NALF1: variants seen among roughly 807,000 people sequenced by gnomAD.
The protein encoded by NALF1 is family with sequence similarity 155 member A.
Under a neutral mutation model 48.4 loss-of-function variants are expected in NALF1, and 3 were observed. The observed-to-expected ratio is 0.06, with a 90% CI of 0.03 to 0.16. NALF1 has a LOEUF of 0.16. NALF1 is among the 10% of genes least tolerant of loss of function. The pLI, the probability that NALF1 is intolerant of heterozygous loss-of-function variation, is 1.00. For missense variants in NALF1, 526 were observed against 571.5 expected (o/e 0.92, Z 0.81); for synonymous variants, 262 against 245.7 (o/e 1.07, Z -0.62).
At chr13:107,373,619 C>T (rs1461301413) in intron 1 of NALF1, among the ~76,000 whole-genome samples, 1 of 152,184 alleles carries the variant, frequency 6.6e-6, no homozygotes, top group African/African-American at 2.4e-5. Flanking sequence ...TCCAGGGCTA[C>T]TCCATCTGAT....
At chr13:107,334,963 TTG>T in intron 1 of NALF1, among the ~76,000 whole-genome samples, 1 of 152,292 alleles carries the variant, frequency 6.6e-6, no homozygotes, top group South Asian at 2.1e-4. Flanking sequence ...GTAGTGTTTT[TTG>T]TGGTTTTGGT....
At chr13:107,508,653 T>C (rs755579949) in intron 1 of NALF1, among the ~76,000 whole-genome samples, 5 of 152,076 alleles carry the variant, frequency 3.3e-5, no homozygotes, top group Non-Finnish European at 2.9e-5. Context: ...TCAAGTTGTT[T>C]TTTCTTGAGC....
In NALF1 at chr13:107,820,553, C is replaced by A. The variant is rs553320004; in HGVS notation, c.915+45129G>T. On this transcript the variant is annotated intron_variant, in intron 1 of 2. Transcript: ENST00000375915. ...GCAAACTTATTTTTTCAAAACCTTC[C>A]AGGCAGAAGCTTATGGTGTTTAGGG... 9.9e-5 allele frequency among the ~76,000 whole-genome samples: 15 copies of A among 152,262 alleles called. No homozygotes were observed. In the South Asian group the frequency reaches 2.9e-3, roughly 29 times the overall value.
intron 1 of NALF1, among the ~76,000 whole-genome samples, chr13:107,296,458 C>T (rs548115714): frequency 6.6e-6 from 1 of 152,018 alleles, no homozygotes; most frequent in African/African-American, 2.4e-5. Flanking sequence ...TAATATGCTA[C>T]CTGAAAGATG....
chr13:107,233,320 A>G (rs899831171), intron 1 of NALF1, among the ~76,000 whole-genome samples: 9 of 152,232 alleles, frequency 5.9e-5, no homozygotes, highest in African/African-American at 2.2e-4. Context: ...AAAGGACCAT[A>G]GCAAGGCAGT....
chr13:107,680,973 ACGT>A (rs750560047), intron 1 of NALF1, among the ~76,000 whole-genome samples: 7 of 72,464 alleles, frequency 9.7e-5, no homozygotes, highest in Admixed American at 2.6e-4. Context: ...GTGTGTGTAC[ACGT>A]CATGTCAGTT....
At chr13:107,397,874 C>T (rs1043130959) in intron 1 of NALF1, among the ~76,000 whole-genome samples, 5 of 151,912 alleles carry the variant, frequency 3.3e-5, no homozygotes, top group African/African-American at 1.2e-4. Context: ...AAAAATAATC[C>T]AGGGATTGGC....
intron 1 of NALF1, among the ~76,000 whole-genome samples, chr13:107,739,946 TG>T (rs1566464025): frequency 6.6e-6 from 1 of 152,182 alleles, no homozygotes; most frequent in East Asian, 1.9e-4. Context: ...GCCCCCAAGA[TG>T]GGACCATCTA....
intron 1 of NALF1, among the ~76,000 whole-genome samples, chr13:107,538,467 C>T (rs1385331875): frequency 6.6e-6 from 1 of 152,140 alleles, no homozygotes; most frequent in Non-Finnish European, 1.5e-5. Context: ...ACCATTGGAG[C>T]TCAGGTTAAA....
chr13:107,383,379 A>T (rs1883474250), intron 1 of NALF1, among the ~76,000 whole-genome samples: 1 of 152,154 alleles, frequency 6.6e-6, no homozygotes, highest in African/African-American at 2.4e-5. Flanking sequence ...CCTCATTTGC[A>T]AGCTACAATT....
intron 1 of NALF1, among the ~76,000 whole-genome samples, chr13:107,840,681 A>G (rs1352542754): frequency 1.3e-5 from 2 of 152,170 alleles, no homozygotes; most frequent in Non-Finnish European, 2.9e-5. Context: ...GAGAATGTCT[A>G]TTGGGAAGCA....
At chr13:107,178,100 C>G (rs940510601) in intron 2 of NALF1, among the ~76,000 whole-genome samples, 2 of 151,802 alleles carry the variant, frequency 1.3e-5, no homozygotes, top group African/African-American at 4.8e-5. Context: ...TACGAAATTA[C>G]TAAAAGAAAA....
At chr13:107,283,170 G>C (rs1291680299) in intron 1 of NALF1, among the ~76,000 whole-genome samples, 1 of 152,144 alleles carries the variant, frequency 6.6e-6, no homozygotes. Flanking sequence ...GAATTGTCTG[G>C]CTGGCTGTAT....
At chr13:107,791,529 A>G (rs1444525750) in intron 1 of NALF1, among the ~76,000 whole-genome samples, 4 of 152,222 alleles carry the variant, frequency 2.6e-5, no homozygotes, top group Non-Finnish European at 4.4e-5. Context: ...ACATTAGTTT[A>G]GGCTATATGA....
intron 1 of NALF1, among the ~76,000 whole-genome samples, chr13:107,366,913 A>G (rs958154235): frequency 6.6e-6 from 1 of 152,226 alleles, no homozygotes; most frequent in African/African-American, 2.4e-5. Flanking sequence ...TGGGTATCCT[A>G]CAAGGGCTTC....
At chr13:107,593,046 A>G (rs1878641163) in intron 1 of NALF1, among the ~76,000 whole-genome samples, 1 of 151,948 alleles carries the variant, frequency 6.6e-6, no homozygotes, top group Middle Eastern at 3.4e-3. Flanking sequence ...CTTTTAATAT[A>G]TTTACTCTAA....
chr13:107,689,438 T>C (rs1881517732), intron 1 of NALF1, among the ~76,000 whole-genome samples: 1 of 152,196 alleles, frequency 6.6e-6, no homozygotes, highest in Admixed American at 6.5e-5. Context: ...ATTTTTGTAG[T>C]TGCTTTCTCA....
At chr13:107,865,321 T>G (rs1257244899) in intron 1 of NALF1, among the ~76,000 whole-genome samples, 4 of 152,200 alleles carry the variant, frequency 2.6e-5, no homozygotes, top group Admixed American at 1.3e-4. Context: ...TGAGCATCAG[T>G]GTGCAGTCTC....
chr13:107,654,346 TA>T (rs1880523487), intron 1 of NALF1, among the ~76,000 whole-genome samples: 1 of 152,144 alleles, frequency 6.6e-6, no homozygotes, highest in Admixed American at 6.6e-5. Context: ...GCAATGCCAT[TA>T]CTTTTAATGG....
Sources: allele counts gnomAD v4.1 joint callset (sites outside exome capture counted in the v4.1 genomes callset), GRCh38; gene constraint gnomAD v4.1.1; transcripts MANE v1.5; gene names NCBI Gene and HGNC (gene_info 2026-07-23, HGNC 2026-07-21).